The following TMEM132D variants were observed in gnomAD, a reference collection of about 807,000 sequenced individuals.
TMEM132D encodes mature OL transmembrane protein.
Under a neutral mutation model 62.3 loss-of-function variants are expected in TMEM132D, and 21 were observed. The ratio of observed to expected loss-of-function variants is 0.34; its 90% CI spans 0.24 to 0.49. TMEM132D has a LOEUF of 0.49. TMEM132D is among the 20% of genes least tolerant of loss of function. The pLI is 0.99. For missense variants in TMEM132D, 1,346 were observed against 1,402.8 expected, an observed-to-expected ratio of 0.96 and a Z score of 0.65; for synonymous variants, 621 against 575.6, an observed-to-expected ratio of 1.08 and a Z score of -1.13.
chr12:129,595,265 G>A (rs184241438), intron 2 of TMEM132D, among the ~76,000 whole-genome samples: 2 of 152,322 alleles, frequency 1.3e-5, no homozygotes, highest in East Asian at 3.9e-4. Context: ...ATATTCTAGT[G>A]AGGTGGGAGG....
intron 3 of TMEM132D, among the ~76,000 whole-genome samples, chr12:129,519,151 T>C (rs1875772764): frequency 6.6e-6 from 1 of 152,182 alleles, no homozygotes. Flanking sequence ...CTGGTGTGGA[T>C]GGAGTTAGAA....
chr12:129,892,483 A>G (rs1011250784), intron 1 of TMEM132D, among the ~76,000 whole-genome samples: 2 of 152,004 alleles, frequency 1.3e-5, no homozygotes, highest in African/African-American at 4.8e-5. Flanking sequence ...GGGCCGAAGG[A>G]TATTTCTTCT....
chr12:129,429,564 A>C (rs1278332369), intron 3 of TMEM132D, among the ~76,000 whole-genome samples: 1 of 148,734 alleles, frequency 6.7e-6, no homozygotes, highest in Admixed American at 6.8e-5. Context: ...GTGTGCCACC[A>C]CACCCAGCTA....
rs59346043 is a variant in TMEM132D, at chr12:129,482,945, CTGTGTGTGTGTGTGTGTGTGTG to C, written c.1115+48092_1115+48113del. Among the ~76,000 whole-genome samples the C allele has an allele frequency of 7.6e-5, 11 of 144,290 alleles. No individual in the cohort carries two copies. The East Asian group carries it at 8.3e-4, about 11-fold the overall frequency. The allele number at this position is 144,290 out of a possible 152,430, so 94.7% of individuals were successfully genotyped here. On this transcript the variant is annotated intron_variant, in intron 3 of 8. Transcript: ENST00000422113. The stretch of plus-strand genomic sequence containing the variant: ...TTTTATCTCTGAGAACATATTTAAT[CTGTGTGTGTGTGTGTGTGTGTG>C]TGTGTGTGTGTGTGTGTGTGTGTGG...
intron 3 of TMEM132D, among the ~76,000 whole-genome samples, chr12:129,494,842 C>A (rs952709011): frequency 2.6e-5 from 4 of 152,178 alleles, no homozygotes; most frequent in African/African-American, 9.7e-5. Flanking sequence ...TCCCTCTCAG[C>A]TACAATCATC....
intron 3 of TMEM132D, among the ~76,000 whole-genome samples, chr12:129,405,588 TA>T (rs1871761278): frequency 6.6e-6 from 1 of 152,140 alleles, no homozygotes; most frequent in African/African-American, 2.4e-5. Flanking sequence ...TAGTGTGGAC[TA>T]GGGGTGCTGT....
intron 2 of TMEM132D, among the ~76,000 whole-genome samples, chr12:129,612,783 G>A (rs1028170958): frequency 3.9e-5 from 6 of 152,054 alleles, no homozygotes; most frequent in Non-Finnish European, 8.8e-5. Context: ...TCAAAGACCT[G>A]GGCTTTTTGG....
intron 2 of TMEM132D, among the ~76,000 whole-genome samples, chr12:129,552,555 G>T (rs1054583849): frequency 1.5e-5 from 2 of 131,422 alleles, no homozygotes; most frequent in Non-Finnish European, 3.4e-5. Flanking sequence ...ATTATCTATC[G>T]ATCGATCTAT....
At chr12:129,778,926 G>T (rs556680091) in intron 1 of TMEM132D, among the ~76,000 whole-genome samples, 1 of 152,304 alleles carries the variant, frequency 6.6e-6, no homozygotes, top group African/African-American at 2.4e-5. Flanking sequence ...ACAGGACAAT[G>T]ATAAAGGCTA....
At chr12:129,078,933 G>T (rs980750061) in intron 7 of TMEM132D, among the ~76,000 whole-genome samples, 1 of 152,114 alleles carries the variant, frequency 6.6e-6, no homozygotes, top group Non-Finnish European at 1.5e-5. Context: ...AAAGCAAGGT[G>T]GTGTCAAGGA....
intron 1 of TMEM132D, among the ~76,000 whole-genome samples, chr12:129,728,208 G>A (rs530367404): frequency 6.6e-6 from 1 of 152,256 alleles, no homozygotes; most frequent in South Asian, 2.1e-4. Context: ...GAATGCAATA[G>A]GATAATAAAT....
At chr12:129,106,849 A>G (rs1476751224) in intron 5 of TMEM132D, among the ~76,000 whole-genome samples, 2 of 152,140 alleles carry the variant, frequency 1.3e-5, no homozygotes, top group African/African-American at 4.8e-5. Context: ...GTGCCTCAAT[A>G]TGAAGGCCAT....
intron 5 of TMEM132D, among the ~76,000 whole-genome samples, chr12:129,161,719 C>G (rs1877405400): frequency 6.6e-6 from 1 of 152,120 alleles, no homozygotes; most frequent in African/African-American, 2.4e-5. Flanking sequence ...GCCACAGGCC[C>G]CCTGGAGGCT....
chr12:129,161,521 T>C (rs1877399362), intron 5 of TMEM132D, among the ~76,000 whole-genome samples: 1 of 152,296 alleles, frequency 6.6e-6, no homozygotes, highest in African/African-American at 2.4e-5. Context: ...GAAGTACTGA[T>C]TTACTTTTTG....
At position 129,108,771 on chromosome 12, in the gene TMEM132D, A is replaced by G. The variant is rs117257509; in HGVS notation, c.1444-24069T>C. On this transcript the variant is annotated intron_variant, in intron 5 of 8. Transcript: ENST00000422113. ...TCTTGAGTTCTCAATATTTTGATTA[A>G]TTGTTTGAAGACTTTATTATGAAAA... Among the ~76,000 whole-genome samples, 522 of 152,338 alleles carry G rather than the reference A, an allele frequency of 3.4e-3. 1 individual carries two copies. The highest frequency in any genetic ancestry group is 0.01 in the Middle Eastern group (3 of 294).
At chr12:129,560,325 A>C (rs946384427) in intron 2 of TMEM132D, among the ~76,000 whole-genome samples, 3 of 147,178 alleles carry the variant, frequency 2.0e-5, no homozygotes, top group Non-Finnish European at 3.0e-5. Flanking sequence ...GCTGGAGTGC[A>C]GTGGCACGAT....
intron 1 of TMEM132D, among the ~76,000 whole-genome samples, chr12:129,901,568 G>A (rs754588880): frequency 3.9e-5 from 6 of 152,088 alleles, no homozygotes; most frequent in Admixed American, 2.0e-4. Flanking sequence ...AACATTTTAC[G>A]TGCTAATTTT....
At position 129,337,812 on chromosome 12, in the gene TMEM132D, T is replaced by C; in HGVS notation, c.1121A>G (p.Asp374Gly). ...CTGCATGACCTCGTAGGAGGCGCCATCCGCACTGGAGAGAAGACACAGAGG... is the reference window on the plus strand; with the variant it reads ...CTGCATGACCTCGTAGGAGGCGCCACCCGCACTGGAGAGAAGACACAGAGG... The part of the protein sequence containing the change: ...KKAAGSENSA[D>G]GASYEVMQID... The change falls in exon 4 of 9, where the codon GAT (aspartate) becomes GGT (glycine). Residue 374 changes from aspartate to glycine, a missense_variant. Asp to Gly is a moderately conservative substitution (Grantham distance 94). Transcript: ENST00000422113. 1.2e-6 allele frequency: 2 copies of C among 1,608,470 alleles called. No homozygotes were observed. The highest frequency in any genetic ancestry group is 1.7e-6 in the Non-Finnish European group (2 of 1,176,678).
In TMEM132D at chr12:129,861,100, CT is replaced by C. The variant is rs530624444; in HGVS notation, c.79+42160del. On this transcript the variant is annotated intron_variant, in intron 1 of 8. Coordinates refer to ENST00000422113, the MANE Select transcript of TMEM132D (RefSeq NM_133448.3). Reference sequence around the variant, plus strand: ...ACCTTTTGAAACGCTTTCTGAAAATCTTTTTTATAGAATTATACTTTGAGAA... The same window carrying C: ...ACCTTTTGAAACGCTTTCTGAAAATCTTTTTATAGAATTATACTTTGAGAA... Among the ~76,000 whole-genome samples the C allele has an allele frequency of 6.8e-3, 1,031 of 152,254 alleles. 7 individuals carry two copies. The highest frequency in any genetic ancestry group is 0.01 in the Middle Eastern group (3 of 294).
Sources: allele counts gnomAD v4.1 joint callset (sites outside exome capture counted in the v4.1 genomes callset), GRCh38; gene constraint gnomAD v4.1.1; transcripts MANE v1.5; gene names NCBI Gene and HGNC (gene_info 2026-07-23, HGNC 2026-07-21).